Variants in ADARB2 observed in about 807,000 individuals in gnomAD.
ADARB2 encodes the protein adenosine deaminase RNA specific B2 (inactive).
ADARB2 carries 25 observed loss-of-function variants against 62.2 expected under a neutral mutation model. The ratio of observed to expected loss-of-function variants is 0.40; its 90% CI spans 0.29 to 0.56. The LOEUF (loss-of-function observed/expected upper bound fraction) is 0.56, where lower values mean the gene tolerates loss of function less well. Among genes scored for constraint, ADARB2 ranks in the 20% least tolerant of loss-of-function variants. The pLI is 0.43. For synonymous variants in ADARB2, 572 were observed against 500.8 expected (o/e 1.14, Z -1.90); for missense variants, 1,071 against 1,077.4 (o/e 0.99, Z 0.08).
chr10:1,264,204 T>C (rs2131793751), intron 4 of ADARB2, among the ~76,000 whole-genome samples: 1 of 152,292 alleles, frequency 6.6e-6, no homozygotes, highest in South Asian at 2.1e-4. Flanking sequence ...CATCGCAGCA[T>C]GAGGTTTCTG....
At chr10:1,347,888 A>T (rs1832094794) in intron 3 of ADARB2, among the ~76,000 whole-genome samples, 1 of 152,142 alleles carries the variant, frequency 6.6e-6, no homozygotes. Context: ...GTAGAGAGAT[A>T]CAGGAACAGA....
At chr10:1,424,425 C>A (rs183439409) in intron 1 of ADARB2, among the ~76,000 whole-genome samples, 1 of 152,074 alleles carries the variant, frequency 6.6e-6, no homozygotes, top group Non-Finnish European at 1.5e-5. Flanking sequence ...AGATGGCATG[C>A]TCTGAGGCCT....
At chr10:1,322,363 C>A (rs1368421152) in intron 3 of ADARB2, among the ~76,000 whole-genome samples, 2 of 152,156 alleles carry the variant, frequency 1.3e-5, no homozygotes, top group African/African-American at 4.8e-5. Context: ...CTGCTCTGAC[C>A]TTCTGTCTCT....
At chr10:1,243,529 C>G (rs1742782227) in intron 4 of ADARB2, among the ~76,000 whole-genome samples, 1 of 152,234 alleles carries the variant, frequency 6.6e-6, no homozygotes, top group African/African-American at 2.4e-5. Context: ...GACTTTTTCT[C>G]CCCTGAGAAC....
At chr10:1,404,273 G>C (rs1450982076) in intron 1 of ADARB2, among the ~76,000 whole-genome samples, 1 of 152,226 alleles carries the variant, frequency 6.6e-6, no homozygotes, top group Non-Finnish European at 1.5e-5. Context: ...GAAGGGCATG[G>C]AACGGCTCAC....
Position 1,183,024 on chromosome 10 carries a change from C to A in ADARB2, c.*169G>T. The A allele has an allele frequency of 1.3e-6, 1 of 755,042 alleles. No homozygotes were observed. Among genetic ancestry groups the A allele is most frequent in the Non-Finnish European group, 2.1e-6 (1 of 476,956 alleles). The allele number at this position is 755,042 out of a possible 1,614,324, so 46.8% of individuals were successfully genotyped here. On this transcript the variant is annotated 3_prime_UTR_variant, in exon 10 of 10. Transcript: ENST00000381312. ...CTGGGGCCAGCGATCTGGAAAGAGG[C>A]ACGTTCTGAATTTGTGTTGTTGCTC... is the stretch of plus-strand genomic sequence containing the variant.
chr10:1,660,059 C>T (rs1350275159), intron 1 of ADARB2, among the ~76,000 whole-genome samples: 1 of 152,216 alleles, frequency 6.6e-6, no homozygotes, highest in Non-Finnish European at 1.5e-5. Context: ...CCATTGCCTG[C>T]CCTGCCTGGG....
chr10:1,536,270 G>A (rs1232793356), intron 1 of ADARB2, among the ~76,000 whole-genome samples: 1 of 152,208 alleles, frequency 6.6e-6, no homozygotes, highest in East Asian at 1.9e-4. Context: ...TGCCACACGA[G>A]GACACAGAAA....
intron 1 of ADARB2, among the ~76,000 whole-genome samples, chr10:1,660,951 C>A (rs926417919): frequency 6.6e-6 from 1 of 152,140 alleles, no homozygotes; most frequent in Non-Finnish European, 1.5e-5. Flanking sequence ...AACATTCCAA[C>A]CCTGAGATAA....
intron 1 of ADARB2, among the ~76,000 whole-genome samples, chr10:1,672,559 G>A (rs866412642): frequency 6.6e-5 from 10 of 151,438 alleles, no homozygotes; most frequent in Admixed American, 3.3e-4. Context: ...CGCAGCTCCT[G>A]CCTCCCCCCA....
At chr10:1,460,474 G>C (rs1442150777) in intron 1 of ADARB2, among the ~76,000 whole-genome samples, 1 of 84,404 alleles carries the variant, frequency 1.2e-5, no homozygotes, top group Non-Finnish European at 2.3e-5. Context: ...CCTGTGACCT[G>C]AGTTTACCTG....
At chr10:1,415,293 G>A (rs550609097) in intron 1 of ADARB2, among the ~76,000 whole-genome samples, 2 of 151,694 alleles carry the variant, frequency 1.3e-5, no homozygotes, top group South Asian at 4.2e-4. Flanking sequence ...GTGGGTATAT[G>A]ACGATAGAAT....
intron 1 of ADARB2, among the ~76,000 whole-genome samples, chr10:1,405,879 G>A (rs571572573): frequency 1.8e-4 from 27 of 150,970 alleles, no homozygotes; most frequent in African/African-American, 4.6e-4. Flanking sequence ...GAAACCCTTC[G>A]CCATGATGCA....
At chr10:1,640,531 A>G (rs1319853117) in intron 1 of ADARB2, among the ~76,000 whole-genome samples, 1 of 152,236 alleles carries the variant, frequency 6.6e-6, no homozygotes, top group Non-Finnish European at 1.5e-5. Flanking sequence ...GACAGAAATC[A>G]TAAAAATGGC....
At chr10:1,399,528 G>C (rs1175798803) in intron 1 of ADARB2, among the ~76,000 whole-genome samples, 1 of 151,952 alleles carries the variant, frequency 6.6e-6, no homozygotes, top group Non-Finnish European at 1.5e-5. Flanking sequence ...CAGGGTCCCC[G>C]GCCTGGTGCC....
In ADARB2 at chr10:1,232,737, A is replaced by G. The variant is rs1013422058; in HGVS notation, c.1513+957T>C. 3.2e-4 allele frequency among the ~76,000 whole-genome samples: 16 copies of G among 50,436 alleles called. No homozygotes were observed. The Admixed American group carries it at 3.4e-3, about 11-fold the overall frequency. 33.1% of individuals were successfully genotyped at this position (50,436 alleles called of 152,430 possible). A position where few individuals can be genotyped will look rare whatever the true frequency, so the allele number is the denominator to read the frequency against. Reference sequence around the variant, plus strand: ...GTGGTATGTGTGTAGTGTATGTGACATGAGTAGTGTATGTGGTATGTGGTG... The same window carrying G: ...GTGGTATGTGTGTAGTGTATGTGACGTGAGTAGTGTATGTGGTATGTGGTG... On this transcript the variant is annotated intron_variant, in intron 6 of 9. Coordinates refer to ENST00000381312, the MANE Select transcript of ADARB2 (RefSeq NM_018702.4).
chr10:1,357,306 G>A (rs1159619872), intron 3 of ADARB2, among the ~76,000 whole-genome samples: 1 of 152,122 alleles, frequency 6.6e-6, no homozygotes, highest in Non-Finnish European at 1.5e-5. Context: ...CCCCACCCTA[G>A]GACACTGGCA....
At chr10:1,498,406 A>G (rs199804562) in intron 1 of ADARB2, among the ~76,000 whole-genome samples, 3 of 141,240 alleles carry the variant, frequency 2.1e-5, no homozygotes, top group Admixed American at 1.5e-4. Flanking sequence ...AAATAAATAA[A>G]TAAGTAATTT....
At chr10:1,285,689 T>A (rs1473104158) in intron 3 of ADARB2, among the ~76,000 whole-genome samples, 1 of 152,172 alleles carries the variant, frequency 6.6e-6, no homozygotes, top group Non-Finnish European at 1.5e-5. Flanking sequence ...GCCTATTGGC[T>A]CCGATTACCA....
Sources: gnomAD v4.1 joint callset for allele counts (sites outside exome capture counted in the v4.1 genomes callset) on GRCh38, gnomAD v4.1.1 for gene constraint, MANE v1.5 for transcripts, NCBI Gene and HGNC (gene_info 2026-07-23, HGNC 2026-07-21) for gene names.